PSMD12: variants seen among roughly 807,000 people sequenced by gnomAD.
PSMD12 encodes the protein proteasome 26S subunit, non-ATPase 12.
PSMD12 carries 8 observed loss-of-function variants against 62.9 expected under a neutral mutation model. The observed-to-expected ratio is 0.13, with a 90% CI of 0.07 to 0.23. The LOEUF (loss-of-function observed/expected upper bound fraction) is 0.23, where lower values mean the gene tolerates loss of function less well. Among genes scored for constraint, PSMD12 ranks in the 10% least tolerant of loss-of-function variants. PSMD12 has a pLI of 1.00. For synonymous variants in PSMD12, 173 were observed against 187.4 expected (o/e 0.92, Z 0.63); for missense variants, 424 against 550.2 (o/e 0.77, Z 2.29).
intron 9 of PSMD12, among the ~76,000 whole-genome samples, chr17:67,344,354 G>C (rs1233199494): frequency 6.6e-6 from 1 of 152,142 alleles, no homozygotes; most frequent in Admixed American, 6.6e-5. Context: ...CAAGATGAGT[G>C]AGATACATTC....
At chr17:67,356,465 G>A (rs563042862) in intron 3 of PSMD12, among the ~76,000 whole-genome samples, 13 of 143,778 alleles carry the variant, frequency 9.0e-5, no homozygotes, top group Non-Finnish European at 1.7e-4. Flanking sequence ...GGCTGAGGCA[G>A]GAGAATGGCG....
intron 7 of PSMD12, 135 bp downstream of exon 7, chr17:67,346,981 T>C (rs1598559203): frequency 1.1e-6 from 1 of 946,216 alleles, no homozygotes; most frequent in East Asian, 2.5e-5. Flanking sequence ...ATCAGTAATA[T>C]ACTGAACAAC....
chr17:67,360,764 C>T (rs528079969), intron 1 of PSMD12, among the ~76,000 whole-genome samples: 8 of 152,182 alleles, frequency 5.3e-5, no homozygotes, highest in Non-Finnish European at 1.0e-4. Context: ...CCATATAATA[C>T]GTGTTGAATG....
intron 7 of PSMD12, among the ~76,000 whole-genome samples, chr17:67,346,273 T>C (rs576243616): frequency 6.6e-6 from 1 of 152,052 alleles, no homozygotes; most frequent in Non-Finnish European, 1.5e-5. Flanking sequence ...CGGGTGCCTG[T>C]AGTCCCAGAT....
chr17:67,345,976 G>A lies in PSMD12; in HGVS notation c.796-119C>T, dbSNP rs897940297. On this transcript the variant is annotated intron_variant, in intron 7 of 10. Transcript: ENST00000356126. ...TCAAATTTTAAAGTCTTGGCCGGGC[G>A]CAGTGGCTCACGTCTGTAATCCCAG... The A allele has an allele frequency of 3.1e-5, 28 of 907,938 alleles. 1 individual carries two copies. The highest frequency in any genetic ancestry group is 2.3e-4 in the Admixed American group (9 of 38,720). The allele number at this position is 907,938 out of a possible 1,614,324, so 56.2% of individuals were successfully genotyped here.
intron 10 of PSMD12, among the ~76,000 whole-genome samples, chr17:67,341,797 C>G (rs1226192637): frequency 4.6e-5 from 7 of 152,188 alleles, no homozygotes; most frequent in African/African-American, 7.2e-5. Flanking sequence ...CTGGTACTCT[C>G]ATTCATAAGT....
chr17:67,343,995 C>T (rs1166022383), intron 9 of PSMD12, among the ~76,000 whole-genome samples: 1 of 152,168 alleles, frequency 6.6e-6, no homozygotes, highest in Non-Finnish European at 1.5e-5. Flanking sequence ...TGAGCCACCA[C>T]GCCCGGCCTA....
intron 9 of PSMD12, 21 bp downstream of exon 9, chr17:67,344,585 A>G (rs776991842): frequency 2.7e-6 from 4 of 1,501,068 alleles, no homozygotes. Flanking sequence ...AAAAATTGTC[A>G]TCTCTATGAC....
At chr17:67,363,895 C>T (rs2042156308) in intron 1 of PSMD12, among the ~76,000 whole-genome samples, 2 of 151,830 alleles carry the variant, frequency 1.3e-5, no homozygotes, top group African/African-American at 4.8e-5. Context: ...ACTAAAAATA[C>T]AAAATAAGCT....
chr17:67,344,488 T>G, intron 9 of PSMD12, 118 bp downstream of exon 9: 1 of 955,664 alleles, frequency 1.0e-6, no homozygotes, highest in Non-Finnish European at 1.5e-6. Flanking sequence ...AATGAACATT[T>G]GGTTATCAAA....
chr17:67,339,764 CAAATT>C lies in PSMD12; in HGVS notation c.*1074_*1078del, dbSNP rs1252693464. 4 of 151,966 alleles carry C rather than the reference CAAATT, an allele frequency of 2.6e-5. No homozygotes were observed. Among genetic ancestry groups the C allele is most frequent in the African/African-American group, 7.2e-5 (3 of 41,386 alleles). The allele number at this position is 151,966 out of a possible 1,614,324, so 9.4% of individuals were successfully genotyped here. ...TTTTTCTATTTTCTCTGAAATAAATCAAATTAAACTTGCAAAATTCGTTCACACCA... is the reference window on the plus strand; with the variant it reads ...TTTTTCTATTTTCTCTGAAATAAATCAAACTTGCAAAATTCGTTCACACCA... On this transcript the variant is annotated 3_prime_UTR_variant, in exon 11 of 11. Coordinates refer to ENST00000356126, the MANE Select transcript of PSMD12 (RefSeq NM_002816.5).
At chr17:67,357,232 T>C (rs868495534) in intron 3 of PSMD12, 71 bp downstream of exon 3, 6 of 1,509,796 alleles carry the variant, frequency 4.0e-6, no homozygotes, top group Middle Eastern at 2.4e-4. Context: ...AACAGACTTA[T>C]AGAAGAGCTT....
chr17:67,350,317 T>C lies in PSMD12; in HGVS notation c.317A>G (p.Gln106Arg). 1 of 1,606,958 alleles carries C rather than the reference T, an allele frequency of 6.2e-7. No homozygotes were observed. The highest frequency in any genetic ancestry group is 8.5e-7 in the Non-Finnish European group (1 of 1,177,286). The change falls in exon 4 of 11, where the codon CAA (glutamine) becomes CGA (arginine). Residue 106 changes from glutamine to arginine, a missense_variant. By Grantham distance (43) the Gln-to-Arg change is conservative (BLOSUM62 1). Coordinates refer to ENST00000356126, the MANE Select transcript of PSMD12 (RefSeq NM_002816.5). ...TTCCTCAACATAAGTACAGCACTGTTGAACCATTTTGGCAACAGCCTAAAA... is the reference window on the plus strand; with the variant it reads ...TTCCTCAACATAAGTACAGCACTGTCGAACCATTTTGGCAACAGCCTAAAA... ...QLKQAVAKMV[Q>R]QCCTYVEEIT...
intron 1 of PSMD12, 118 bp from the exon 2 acceptor site, chr17:67,357,696 G>A (rs1212643236): frequency 4.1e-6 from 4 of 983,618 alleles, no homozygotes; most frequent in African/African-American, 3.3e-5. Context: ...TAGAGGAAAA[G>A]GACTACCCAT....
chr17:67,345,810 A>G lies in PSMD12; in HGVS notation c.843T>C (p.Asn281=). The change falls in exon 8 of 11, where the codon AAT becomes AAC. Residue 281 remains asparagine, a synonymous_variant. Coordinates refer to ENST00000356126, the MANE Select transcript of PSMD12 (RefSeq NM_002816.5). ...TTCGGTGAACCAAATCTGACTGTTCATTGTCAAAAGGAGCCAGGATAACAT... is the reference window on the plus strand; with the variant it reads ...TTCGGTGAACCAAATCTGACTGTTCGTTGTCAAAAGGAGCCAGGATAACAT... ...VLYVILAPFD[N]EQSDLVHRIS... 6.2e-7 allele frequency: 1 copy of G among 1,613,986 alleles called. No individual in the cohort carries two copies. The highest frequency in any genetic ancestry group is 8.5e-7 in the Non-Finnish European group (1 of 1,179,922).
At chr17:67,348,415 C>G (rs922827720) in intron 5 of PSMD12, 135 bp downstream of exon 5, 2 of 719,896 alleles carry the variant, frequency 2.8e-6, no homozygotes, top group Non-Finnish European at 4.6e-6. Context: ...AGATGCCATT[C>G]ACAGGCTTTC....
chr17:67,358,430 T>C (rs370034404), intron 1 of PSMD12, among the ~76,000 whole-genome samples: 3 of 151,858 alleles, frequency 2.0e-5, no homozygotes, highest in Admixed American at 6.6e-5. Context: ...TAGCTGGGCA[T>C]TGTGGTGCAT....
At chr17:67,354,207 G>A (rs1245153264) in intron 3 of PSMD12, among the ~76,000 whole-genome samples, 3 of 152,130 alleles carry the variant, frequency 2.0e-5, no homozygotes, top group Non-Finnish European at 2.9e-5. Context: ...TTAAGCTCAC[G>A]AATTAGAGGC....
In PSMD12 at chr17:67,339,831, T is replaced by A. The variant is rs529981266; in HGVS notation, c.*1012A>T. ...GTGTTTCTTTGACAGCAAGCTACTT[T>A]TAATTCCGTGAAAATATTTTAATAC... On this transcript the variant is annotated 3_prime_UTR_variant, in exon 11 of 11. Transcript: ENST00000356126. The A allele has an allele frequency of 6.6e-6, 1 of 152,142 alleles. No homozygotes were observed. The highest frequency in any genetic ancestry group is 1.5e-5 in the Non-Finnish European group (1 of 68,026). The allele number at this position is 152,142 out of a possible 1,614,324, so 9.4% of individuals were successfully genotyped here. A position where few individuals can be genotyped will look rare whatever the true frequency, so the allele number is the denominator to read the frequency against.
Sources: allele counts gnomAD v4.1 joint callset (sites outside exome capture counted in the v4.1 genomes callset), GRCh38; gene constraint gnomAD v4.1.1; transcripts MANE v1.5; gene names NCBI Gene and HGNC (gene_info 2026-07-23, HGNC 2026-07-21).